RELCH: variants seen among roughly 807,000 people sequenced by gnomAD.
RELCH encodes RAB11 binding and LisH domain, coiled-coil and HEAT repeat containing.
RELCH carries 41 observed loss-of-function variants against 150.3 expected under a neutral mutation model. The observed-to-expected ratio is 0.27, with a 90% confidence interval of 0.21 to 0.35. The LOEUF (loss-of-function observed/expected upper bound fraction) is 0.35. RELCH is among the 10% of genes least tolerant of loss of function. The probability of loss-of-function intolerance (pLI) is 1.00; values close to 1 mark genes in which losing one functional copy is unlikely to be tolerated. For synonymous variants in RELCH, 478 were observed against 531.8 expected (o/e 0.90, Z 1.39); for missense variants, 1,092 against 1,467.8 (o/e 0.74, Z 4.18).
intron 14 of RELCH, among the ~76,000 whole-genome samples, 200 bp downstream of exon 14, chr18:62,258,288 A>C (rs559195132): frequency 6.6e-6 from 1 of 151,996 alleles, no homozygotes; most frequent in Non-Finnish European, 1.5e-5. Context: ...AGTATCTGCC[A>C]CAGCTTTCTG....
intron 22 of RELCH, among the ~76,000 whole-genome samples, chr18:62,276,006 A>G (rs1196297370): frequency 6.6e-6 from 1 of 152,188 alleles, no homozygotes; most frequent in African/African-American, 2.4e-5. Flanking sequence ...CAGGTAATTT[A>G]CCTAAATTGT....
intron 1 of RELCH, among the ~76,000 whole-genome samples, chr18:62,207,396 T>G (rs1243918441): frequency 6.6e-6 from 1 of 152,240 alleles, no homozygotes; most frequent in Non-Finnish European, 1.5e-5. Flanking sequence ...ATTTCTTCAT[T>G]TATCAATGGA....
In RELCH at chr18:62,188,015, G is replaced by T. The variant is rs951732076; in HGVS notation, c.510G>T (p.Ser170=). ...GAGGREPSTA[S]GGGQLNRAGS... ...GAGGTCGGGAACCGAGTACAGCGTC[G>T]GGCGGGGGACAGCTCAGTAAGTGGA... Residue 170 remains serine (S), a synonymous_variant, in exon 1 of 29, where the codon TCG becomes TCT. Coordinates refer to ENST00000644646, the MANE Select transcript of RELCH (RefSeq NM_001346231.2). 3 of 1,579,970 alleles carry T rather than the reference G, an allele frequency of 1.9e-6. No homozygotes were observed. The highest frequency in any genetic ancestry group is 1.8e-5 in the Admixed American group (1 of 56,622).
At position 62,244,752 on chromosome 18, in the gene RELCH, G is replaced by A. The variant is rs759978018; in HGVS notation, c.1621-12G>A. The A allele has an allele frequency of 8.4e-6, 13 of 1,553,108 alleles. No individual in the cohort carries two copies. Among genetic ancestry groups the A allele is most frequent in the South Asian group, 5.6e-5 (5 of 89,396 alleles). On this transcript the variant is annotated splice_polypyrimidine_tract_variant and intron_variant, in intron 10 of 28. Transcript: ENST00000644646. Reference sequence around the variant, plus strand: ...TTTTTATTTGAATTTTTCCACCCTCGTATTTCTTTAGGAGTTGATCCCCCT... The same window carrying A: ...TTTTTATTTGAATTTTTCCACCCTCATATTTCTTTAGGAGTTGATCCCCCT...
intron 1 of RELCH, among the ~76,000 whole-genome samples, chr18:62,193,758 G>GTCAAAAAGT: frequency 6.6e-6 from 1 of 152,106 alleles, no homozygotes; most frequent in Admixed American, 6.6e-5. Flanking sequence ...TGCTGGCTTC[G>GTCAAAAAGT]ATTTGCCAGT....
At chr18:62,273,844 C>A (rs1310166817) in intron 20 of RELCH, 136 bp from the exon 21 acceptor site, 1 of 597,248 alleles carries the variant, frequency 1.7e-6, no homozygotes. Context: ...TAATAAATAT[C>A]TTTTAATTAA....
intron 15 of RELCH, among the ~76,000 whole-genome samples, chr18:62,260,306 G>T (rs1344330603): frequency 6.7e-6 from 1 of 150,294 alleles, no homozygotes; most frequent in Non-Finnish European, 1.5e-5. Context: ...CTAATCATCA[G>T]GTAAATGCAA....
intron 15 of RELCH, 46 bp from the exon 16 acceptor site, chr18:62,261,464 TG>T: frequency 6.4e-7 from 1 of 1,561,136 alleles, no homozygotes; most frequent in Non-Finnish European, 8.8e-7. Context: ...CAATTAGCAA[TG>T]TAACTTCAAA....
intron 19 of RELCH, among the ~76,000 whole-genome samples, chr18:62,267,480 ATATATGTGTG>A (rs1327224898): frequency 3.4e-5 from 3 of 88,522 alleles, no homozygotes; most frequent in African/African-American, 1.4e-4. Flanking sequence ...TAGTCTAGGT[ATATATGTGTG>A]TGTGTGTGTG....
chr18:62,253,267 T>TTGTGTGTGTGTG (rs68067609), intron 12 of RELCH, among the ~76,000 whole-genome samples: 401 of 136,528 alleles, frequency 2.9e-3, no homozygotes, highest in Non-Finnish European at 4.2e-3. Flanking sequence ...AGCAAGAAGA[T>TTGTGTGTGTGTG]TGTGTGTGTG....
intron 16 of RELCH, among the ~76,000 whole-genome samples, chr18:62,262,260 A>G (rs2043310951): frequency 6.6e-6 from 1 of 152,000 alleles, no homozygotes; most frequent in Non-Finnish European, 1.5e-5. Context: ...GACCTTTGAA[A>G]CTTGACAGGC....
chr18:62,197,694 T>C (rs753033623), intron 1 of RELCH, among the ~76,000 whole-genome samples: 1 of 152,210 alleles, frequency 6.6e-6, no homozygotes, highest in Non-Finnish European at 1.5e-5. Context: ...ATAGCAATGG[T>C]ATTTACCAAG....
intron 20 of RELCH, among the ~76,000 whole-genome samples, chr18:62,269,995 GT>G (rs1020427943): frequency 4.6e-5 from 7 of 152,132 alleles, no homozygotes; most frequent in Non-Finnish European, 8.8e-5. Context: ...TATTATAACT[GT>G]TTCATTTGCT....
intron 25 of RELCH, among the ~76,000 whole-genome samples, chr18:62,287,015 C>T (rs1458171912): frequency 6.6e-6 from 1 of 152,064 alleles, no homozygotes; most frequent in Non-Finnish European, 1.5e-5. Flanking sequence ...ATAAATAATA[C>T]AAGAGGTATG....
intron 2 of RELCH, among the ~76,000 whole-genome samples, chr18:62,220,530 A>T (rs1257035301): frequency 1.3e-5 from 2 of 151,954 alleles, no homozygotes; most frequent in Non-Finnish European, 2.9e-5. Flanking sequence ...ACGTCTCTAT[A>T]CGTTGATTTA....
chr18:62,209,989 G>A (rs567937239), intron 1 of RELCH, among the ~76,000 whole-genome samples: 14 of 152,136 alleles, frequency 9.2e-5, no homozygotes, highest in South Asian at 6.2e-4. Context: ...CATTTGTTAC[G>A]TCTAATGTTT....
intron 1 of RELCH, among the ~76,000 whole-genome samples, chr18:62,193,744 G>A (rs552441270): frequency 2.6e-4 from 39 of 152,256 alleles, no homozygotes; most frequent in African/African-American, 8.7e-4. Context: ...ACTTTTTGAC[G>A]TGCTGCTGGC....
At chr18:62,236,903 T>C (rs2041906935) in intron 10 of RELCH, among the ~76,000 whole-genome samples, 2 of 151,790 alleles carry the variant, frequency 1.3e-5, no homozygotes, top group South Asian at 4.1e-4. Context: ...AATTACTGAC[T>C]TGAGATCTTT....
rs1183786236 is a variant in RELCH at position 62,306,581 on chromosome 18, A to C, written c.*1047A>C. ...GCTGAATTATAACTAGTTAGTTATC[A>C]CCTCGTCCCTTAAAGTCAGTGACCT... On this transcript the variant is annotated 3_prime_UTR_variant, in exon 29 of 29. Coordinates refer to ENST00000644646, the MANE Select transcript of RELCH (RefSeq NM_001346231.2). The C allele has an allele frequency of 6.6e-6, 1 of 152,578 alleles. No homozygotes were observed. Among genetic ancestry groups the C allele is most frequent in the Non-Finnish European group, 1.5e-5 (1 of 68,014 alleles). The allele number at this position is 152,578 out of a possible 1,614,324, so 9.5% of individuals were successfully genotyped here. A position where few individuals can be genotyped will look rare whatever the true frequency, so the allele number is the denominator to read the frequency against.
Sources: gnomAD v4.1 joint callset for allele counts (sites outside exome capture counted in the v4.1 genomes callset) on GRCh38, gnomAD v4.1.1 for gene constraint, MANE v1.5 for transcripts, NCBI Gene and HGNC (gene_info 2026-07-23, HGNC 2026-07-21) for gene names.